EPB41: variants seen among roughly 807,000 people sequenced by gnomAD.
EPB41 encodes the protein erythrocyte membrane protein band 4.1.
A neutral mutation model predicts 108.0 loss-of-function variants in EPB41; 65 were observed. The observed-to-expected ratio is 0.60, with a 90% CI of 0.49 to 0.74. EPB41 has a LOEUF of 0.74. Among genes scored for constraint, EPB41 ranks in the 30% least tolerant of loss-of-function variants. The pLI, the probability that EPB41 is intolerant of heterozygous loss-of-function variation, is 0.00. For missense variants in EPB41, 875 were observed against 1,037.0 expected (o/e 0.84, Z 2.15); for synonymous variants, 336 against 358.9 (o/e 0.94, Z 0.72).
At chr1:29,020,427 C>T (rs183989238) in intron 7 of EPB41, among the ~76,000 whole-genome samples, 13 of 151,902 alleles carry the variant, frequency 8.6e-5, no homozygotes, top group Admixed American at 8.5e-4. Flanking sequence ...TGCATATATA[C>T]ATAGAAAAGC....
chr1:28,923,653 G>A (rs1297132759), intron 1 of EPB41, among the ~76,000 whole-genome samples: 1 of 151,942 alleles, frequency 6.6e-6, no homozygotes, highest in East Asian at 1.9e-4. Flanking sequence ...TCTCTAATAT[G>A]ACCATTAATG....
intron 16 of EPB41, among the ~76,000 whole-genome samples, chr1:29,081,864 A>C (rs1296514391): frequency 6.6e-6 from 1 of 150,900 alleles, no homozygotes; most frequent in Admixed American, 6.6e-5. Context: ...CTAACACTTC[A>C]CATTTTAGAG....
chr1:29,012,492 T>C (rs1443351152), intron 5 of EPB41, among the ~76,000 whole-genome samples: 2 of 152,166 alleles, frequency 1.3e-5, no homozygotes, highest in African/African-American at 4.8e-5. Flanking sequence ...CTCTAATGTA[T>C]AGTCCCGCTT....
At chr1:28,888,874 A>G (rs997478489) in intron 1 of EPB41, among the ~76,000 whole-genome samples, 1 of 151,406 alleles carries the variant, frequency 6.6e-6, no homozygotes, top group Non-Finnish European at 1.5e-5. Context: ...TGATCCACCC[A>G]CCTCGGCCTC....
chr1:29,057,245 G>A (rs183405765), intron 12 of EPB41, among the ~76,000 whole-genome samples: 1 of 151,622 alleles, frequency 6.6e-6, no homozygotes. Flanking sequence ...GCATGGTGGC[G>A]GGTGCCTGTA....
At chr1:28,954,612 C>T (rs932066658) in intron 1 of EPB41, among the ~76,000 whole-genome samples, 1 of 152,124 alleles carries the variant, frequency 6.6e-6, no homozygotes, top group African/African-American at 2.4e-5. Flanking sequence ...TCAAACTTCA[C>T]ACAATATACT....
intron 3 of EPB41, 87 bp downstream of exon 3, chr1:28,993,629 G>A (rs969692609): frequency 1.0e-4 from 113 of 1,094,380 alleles, no homozygotes; most frequent in Middle Eastern, 7.9e-4. Flanking sequence ...CCCACGATAA[G>A]ACTCACTGTA....
intron 6 of EPB41, among the ~76,000 whole-genome samples, chr1:29,016,332 C>T (rs1346878717): frequency 5.3e-5 from 8 of 149,732 alleles, no homozygotes; most frequent in Admixed American, 1.3e-4. Context: ...TGCACCACCA[C>T]GCCCTGCTAA....
chr1:29,071,584 A>G (rs1651463740), intron 16 of EPB41: 1 of 152,166 alleles, frequency 6.6e-6, no homozygotes, highest in African/African-American at 2.4e-5. Flanking sequence ...TTGTGTTGAA[A>G]TCAATTGTTT....
chr1:28,921,886 T>C (rs998043466), intron 1 of EPB41, among the ~76,000 whole-genome samples: 1 of 148,304 alleles, frequency 6.7e-6, no homozygotes, highest in African/African-American at 2.5e-5. Flanking sequence ...CCACATAGTA[T>C]ACTTTGTGGT....
intron 1 of EPB41, among the ~76,000 whole-genome samples, chr1:28,915,619 T>C (rs1423402648): frequency 2.0e-5 from 3 of 152,182 alleles, no homozygotes; most frequent in African/African-American, 7.2e-5. Context: ...GTTGTTTCTT[T>C]AACTGTACCC....
intron 1 of EPB41, among the ~76,000 whole-genome samples, chr1:28,984,224 G>C (rs959789589): frequency 3.3e-5 from 5 of 152,088 alleles, no homozygotes; most frequent in African/African-American, 1.2e-4. Flanking sequence ...GGGTGGTTTA[G>C]GAAAAGGCAA....
chr1:29,027,379 T>C (rs929911986), intron 7 of EPB41, among the ~76,000 whole-genome samples: 1 of 151,370 alleles, frequency 6.6e-6, no homozygotes, highest in Non-Finnish European at 1.5e-5. Flanking sequence ...TTGCCCAGGC[T>C]GGAGTGCAAT....
intron 15 of EPB41, among the ~76,000 whole-genome samples, chr1:29,063,283 C>T (rs983737547): frequency 6.6e-6 from 1 of 152,184 alleles, no homozygotes; most frequent in Non-Finnish European, 1.5e-5. Flanking sequence ...TTGTTTCCCC[C>T]ATAGTGAAGT....
Position 28,997,206 on chromosome 1 carries a change from TC to T in EPB41, c.682-8del. ...CCTCAACTCAACTAAGTCACGTATA[TC>T]TTTGCAGAAACATGCTAAGGGACAA... On this transcript the variant is annotated splice_polypyrimidine_tract_variant and splice_region_variant and intron_variant, in intron 3 of 20. Coordinates refer to ENST00000343067, the MANE Select transcript of EPB41 (RefSeq NM_001376013.1). 6.3e-7 allele frequency: 1 copy of T among 1,597,474 alleles called. No homozygotes were observed. The highest frequency in any genetic ancestry group is 1.1e-5 in the South Asian group (1 of 90,736).
chr1:29,062,761 C>T (rs1009557913), intron 15 of EPB41, among the ~76,000 whole-genome samples: 7 of 151,792 alleles, frequency 4.6e-5, no homozygotes, highest in Non-Finnish European at 7.4e-5. Flanking sequence ...ACCGCCTCCT[C>T]CTCCATCTCC....
intron 1 of EPB41, among the ~76,000 whole-genome samples, chr1:28,928,228 C>T (rs905931363): frequency 6.6e-6 from 1 of 151,940 alleles, no homozygotes; most frequent in African/African-American, 2.4e-5. Flanking sequence ...CATATGTTTT[C>T]TAGTGGCAGA....
In EPB41 at chr1:29,104,690, TCTC is replaced by T. The variant is rs1266042517; in HGVS notation, c.2314-4643_2314-4641del. On this transcript the variant is annotated intron_variant, in intron 17 of 20. Coordinates refer to ENST00000343067, the MANE Select transcript of EPB41 (RefSeq NM_001376013.1). ...CGTCTGCCTTCCGGGTTCAAGCAATTCTCCTGCCTCAGCCTTCTGAGTAGCTGG... is the reference window on the plus strand; with the variant it reads ...CGTCTGCCTTCCGGGTTCAAGCAATTCTGCCTCAGCCTTCTGAGTAGCTGG... 2.6e-5 allele frequency among the ~76,000 whole-genome samples: 4 copies of T among 152,110 alleles called. No individual in the cohort carries two copies. In the East Asian group the frequency reaches 7.7e-4, roughly 29 times the overall value.
chr1:28,901,530 ATAT>A (rs1279747977), intron 1 of EPB41, among the ~76,000 whole-genome samples: 2 of 148,530 alleles, frequency 1.3e-5, no homozygotes, highest in Non-Finnish European at 1.5e-5. Context: ...GCCTATTTTT[ATAT>A]TATTATTATT....
Sources: gnomAD v4.1 joint callset for allele counts (sites outside exome capture counted in the v4.1 genomes callset) on GRCh38, gnomAD v4.1.1 for gene constraint, MANE v1.5 for transcripts, NCBI Gene and HGNC (gene_info 2026-07-23, HGNC 2026-07-21) for gene names.